Variants in UBQLN1 observed in about 807,000 individuals in gnomAD.
UBQLN1 encodes ubiquilin 1, also known as ubiquilin-1.
In UBQLN1, 13 loss-of-function variants were observed where a neutral mutation model predicts 65.4. That is an observed-to-expected ratio of 0.20 (90% CI 0.13 to 0.32). UBQLN1 has a LOEUF of 0.32. Among genes scored for constraint, UBQLN1 ranks in the 10% least tolerant of loss-of-function variants. The pLI is 1.00. For synonymous variants in UBQLN1, 267 were observed against 247.8 expected, an observed-to-expected ratio of 1.08 and a Z score of -0.73; for missense variants, 561 against 724.0, an observed-to-expected ratio of 0.77 and a Z score of 2.58.
intron 5 of UBQLN1, 62 bp from the exon 6 acceptor site, chr9:83,678,023 CTTT>C (rs386415305): frequency 5.1e-4 from 470 of 930,238 alleles, no homozygotes; most frequent in East Asian, 8.2e-4. Flanking sequence ...AGATATGAAA[CTTT>C]TTTTTTTTTT....
intron 1 of UBQLN1, among the ~76,000 whole-genome samples, chr9:83,687,975 A>G (rs189122211): frequency 6.6e-6 from 1 of 152,322 alleles, no homozygotes; most frequent in East Asian, 1.9e-4. Flanking sequence ...GCAATTTCCA[A>G]GTAACTAACA....
At chr9:83,682,699 G>C (rs759187115) in intron 3 of UBQLN1, among the ~76,000 whole-genome samples, 1 of 151,958 alleles carries the variant, frequency 6.6e-6, no homozygotes, top group African/African-American at 2.4e-5. Flanking sequence ...TAAATTATGT[G>C]GTAGTCAGAT....
chr9:83,661,996 A>G (rs1369629554), intron 10 of UBQLN1, 57 bp from the exon 11 acceptor site: 1 of 1,527,800 alleles, frequency 6.5e-7, no homozygotes, highest in African/African-American at 1.4e-5. Flanking sequence ...CCTGCCACAC[A>G]TGACTTTTAA....
chr9:83,683,782 C>T (rs768040808), intron 2 of UBQLN1, among the ~76,000 whole-genome samples: 2 of 151,886 alleles, frequency 1.3e-5, no homozygotes. Context: ...CAGCACTTTG[C>T]GAGGCCGAGG....
intron 6 of UBQLN1, among the ~76,000 whole-genome samples, chr9:83,670,984 G>GGATT (rs1171199058): frequency 6.6e-6 from 1 of 152,078 alleles, no homozygotes; most frequent in Non-Finnish European, 1.5e-5. Flanking sequence ...AAATTGAGAT[G>GGATT]GAGTCTCGCT....
chr9:83,690,326 T>G (rs1832105884), intron 1 of UBQLN1, among the ~76,000 whole-genome samples: 1 of 152,108 alleles, frequency 6.6e-6, no homozygotes, highest in Admixed American at 6.6e-5. Flanking sequence ...CAGTCACAAA[T>G]GAATATAAAT....
chr9:83,662,324 G>T (rs1409784842), intron 10 of UBQLN1, among the ~76,000 whole-genome samples: 1 of 149,254 alleles, frequency 6.7e-6, no homozygotes, highest in Non-Finnish European at 1.5e-5. Context: ...AGATAGTTCA[G>T]AATTAGATGA....
chr9:83,664,250 T>C (rs1831607635), intron 9 of UBQLN1, among the ~76,000 whole-genome samples: 1 of 152,050 alleles, frequency 6.6e-6, no homozygotes, highest in South Asian at 2.1e-4. Context: ...ACTTCATCTC[T>C]ACAAAAAATA....
chr9:83,662,267 T>TATACACACACACACAC (rs1471415720), intron 10 of UBQLN1, among the ~76,000 whole-genome samples: 1 of 128,990 alleles, frequency 7.8e-6, no homozygotes, highest in Non-Finnish European at 1.7e-5. Flanking sequence ...TATATACATA[T>TATACACACACACACAC]ACATATACAC....
chr9:83,705,146 C>G (rs982072386), intron 1 of UBQLN1, among the ~76,000 whole-genome samples: 1 of 151,922 alleles, frequency 6.6e-6, no homozygotes, highest in Non-Finnish European at 1.5e-5. Context: ...AAAATGTTAG[C>G]AGGGATATGG....
chr9:83,695,683 G>C (rs965850172), intron 1 of UBQLN1, among the ~76,000 whole-genome samples: 1 of 151,946 alleles, frequency 6.6e-6, no homozygotes, highest in African/African-American at 2.4e-5. Flanking sequence ...CAGTAAACCA[G>C]GCAGACTGTT....
intron 7 of UBQLN1, chr9:83,668,256 T>C: frequency 1.0e-6 from 1 of 984,862 alleles, no homozygotes; most frequent in Middle Eastern, 5.2e-4. Flanking sequence ...TACACAAAGA[T>C]ACCTGAATCA....
chr9:83,665,465 T>A (rs1052094206), intron 8 of UBQLN1: 6 of 220,804 alleles, frequency 2.7e-5, no homozygotes, highest in Non-Finnish European at 4.4e-5. Context: ...AGACACAACC[T>A]CCAAAGGCAC....
chr9:83,705,343 C>G (rs372621536), intron 1 of UBQLN1, among the ~76,000 whole-genome samples: 1 of 150,530 alleles, frequency 6.6e-6, no homozygotes, highest in Non-Finnish European at 1.5e-5. Context: ...CAGGTTCAAG[C>G]GATGATTCTC....
At chr9:83,669,130 T>C (rs1354296459) in intron 7 of UBQLN1, 55 bp downstream of exon 7, 1 of 1,559,626 alleles carries the variant, frequency 6.4e-7, no homozygotes, top group Non-Finnish European at 8.6e-7. Flanking sequence ...AATTACAAGA[T>C]TAGGTTATTT....
intron 1 of UBQLN1, among the ~76,000 whole-genome samples, chr9:83,701,889 AG>A (rs1832315788): frequency 6.6e-6 from 1 of 152,226 alleles, no homozygotes; most frequent in South Asian, 2.1e-4. Flanking sequence ...TAGTCACAAT[AG>A]CCAGAAAGTA....
chr9:83,661,488 AATAAACTGGAC>A lies in UBQLN1; in HGVS notation c.*288_*298del, dbSNP rs1367291211. 1.3e-5 allele frequency: 3 copies of A among 239,774 alleles called. No individual in the cohort carries two copies. Among genetic ancestry groups the A allele is most frequent in the African/African-American group, 6.7e-5 (3 of 44,578 alleles). 14.9% of individuals were successfully genotyped at this position (239,774 alleles called of 1,614,324 possible). A position where few individuals can be genotyped will look rare whatever the true frequency, so the allele number is the denominator to read the frequency against. On this transcript the variant is annotated 3_prime_UTR_variant, in exon 11 of 11. Coordinates refer to ENST00000376395, the MANE Select transcript of UBQLN1 (RefSeq NM_013438.5). ...ACCATAGGCTAATGTTTAAAAAGCAAATAAACTGGACAGATGCAGGACAAAATCTGGTCACC... is the reference window on the plus strand; with the variant it reads ...ACCATAGGCTAATGTTTAAAAAGCAAAGATGCAGGACAAAATCTGGTCACC...
chr9:83,692,864 T>C (rs578024522), intron 1 of UBQLN1, among the ~76,000 whole-genome samples: 44 of 152,134 alleles, frequency 2.9e-4, no homozygotes, highest in African/African-American at 8.4e-4. Flanking sequence ...AAAATAATAA[T>C]AACAACAATA....
At chr9:83,684,712 G>T (rs932754440) in intron 2 of UBQLN1, among the ~76,000 whole-genome samples, 1 of 151,622 alleles carries the variant, frequency 6.6e-6, no homozygotes, top group Middle Eastern at 3.2e-3. Context: ...TTGGGAGGCT[G>T]AGGCGGGAGA....
Sources: gnomAD v4.1 joint callset for allele counts (sites outside exome capture counted in the v4.1 genomes callset) on GRCh38, gnomAD v4.1.1 for gene constraint, MANE v1.5 for transcripts, NCBI Gene and HGNC (gene_info 2026-07-23, HGNC 2026-07-21) for gene names.